The following ADAM22 variants were observed in gnomAD, a reference collection of about 807,000 sequenced individuals.
The protein encoded by ADAM22 is ADAM metallopeptidase domain 22.
In ADAM22, 65 loss-of-function variants were observed where a neutral mutation model predicts 144.6. The observed-to-expected ratio is 0.45, with a 90% CI of 0.37 to 0.55. The LOEUF (loss-of-function observed/expected upper bound fraction) is 0.55. Ranked by LOEUF, ADAM22 falls within the 20% of genes least tolerant of loss-of-function variation. The pLI, the probability that ADAM22 is intolerant of heterozygous loss-of-function variation, is 0.00. For missense variants in ADAM22, 974 were observed against 1,184.9 expected (o/e 0.82, Z 2.61); for synonymous variants, 391 against 412.6 (o/e 0.95, Z 0.63).
chr7:88,027,570 A>G lies in ADAM22; in HGVS notation c.324-48056A>G, dbSNP rs1585104258. On this transcript the variant is annotated intron_variant, in intron 3 of 31. Coordinates refer to ENST00000413139, the MANE Select transcript of ADAM22 (RefSeq NM_001324418.2). Reference sequence around the variant, plus strand: ...TATCCTTTGAATTTCTGCAGGATCAATTGACTCTTTTCTCTTTTTTTTCCC... The same window carrying G: ...TATCCTTTGAATTTCTGCAGGATCAGTTGACTCTTTTCTCTTTTTTTTCCC... 2.0e-5 allele frequency among the ~76,000 whole-genome samples: 3 copies of G among 152,080 alleles called. No individual in the cohort carries two copies. In the South Asian group the frequency reaches 6.2e-4, roughly 32 times the overall value.
chr7:88,154,295 C>T (rs1166471267), intron 21 of ADAM22, among the ~76,000 whole-genome samples: 5 of 152,126 alleles, frequency 3.3e-5, no homozygotes, highest in Non-Finnish European at 7.4e-5. Flanking sequence ...CAACAATTGT[C>T]CCCAACCTAC....
chr7:88,162,751 GT>G (rs1842027215), intron 22 of ADAM22, among the ~76,000 whole-genome samples: 1 of 151,938 alleles, frequency 6.6e-6, no homozygotes, highest in Non-Finnish European at 1.5e-5. Context: ...GGTAGCCCAG[GT>G]GAAATGATAA....
Position 88,151,750 on chromosome 7 carries a change from T to C in ADAM22, c.1681+430T>C, listed in dbSNP as rs140215467. 2.2e-4 allele frequency among the ~76,000 whole-genome samples: 34 copies of C among 152,298 alleles called. No individual in the cohort carries two copies. The East Asian group carries it at 6.6e-3, about 29-fold the overall frequency. ...AGCATTTTATCTAGAGTCATTTTTT[T>C]CCTCCTTGGATATTTTTCTTAAACT... On this transcript the variant is annotated intron_variant, in intron 20 of 31. Coordinates refer to ENST00000413139, the MANE Select transcript of ADAM22 (RefSeq NM_001324418.2).
In ADAM22 at chr7:88,202,408, G is replaced by A. The variant is rs994120830; in HGVS notation, c.*5917G>A. The A allele has an allele frequency of 1.3e-5, 2 of 152,110 alleles. No individual in the cohort carries two copies. Among genetic ancestry groups the A allele is most frequent in the Admixed American group, 6.5e-5 (1 of 15,274 alleles). 9.4% of individuals were successfully genotyped at this position (152,110 alleles called of 1,614,324 possible). A position where few individuals can be genotyped will look rare whatever the true frequency, so the allele number is the denominator to read the frequency against. Reference sequence around the variant, plus strand: ...CTTACATGTTAGCCAGCAGTAGGTCGGCACTAGTGTTTTCCACGGTTATCA... The same window carrying A: ...CTTACATGTTAGCCAGCAGTAGGTCAGCACTAGTGTTTTCCACGGTTATCA... On this transcript the variant is annotated 3_prime_UTR_variant, in exon 32 of 32. Coordinates refer to ENST00000413139, the MANE Select transcript of ADAM22 (RefSeq NM_001324418.2).
chr7:88,169,808 A>G (rs1291933367), intron 25 of ADAM22, among the ~76,000 whole-genome samples: 1 of 152,140 alleles, frequency 6.6e-6, no homozygotes, highest in African/African-American at 2.4e-5. Flanking sequence ...TTAAGTAGTA[A>G]TTGTCATCAC....
At position 88,200,069 on chromosome 7, in the gene ADAM22, G is replaced by A. The variant is rs1364532348; in HGVS notation, c.*3578G>A. 1 of 152,066 alleles carries A rather than the reference G, an allele frequency of 6.6e-6. No individual in the cohort carries two copies. Among genetic ancestry groups the A allele is most frequent in the African/African-American group, 2.4e-5 (1 of 41,392 alleles). 9.4% of individuals were successfully genotyped at this position (152,066 alleles called of 1,614,324 possible). ...TGTCTATTGTCCCAGATCTCTTGTG[G>A]CTACTTTACCTGTTACCTTTTTTGG... On this transcript the variant is annotated 3_prime_UTR_variant, in exon 32 of 32. Transcript: ENST00000413139.
chr7:88,039,904 C>A (rs1362932966), intron 3 of ADAM22, among the ~76,000 whole-genome samples: 1 of 151,960 alleles, frequency 6.6e-6, no homozygotes, highest in East Asian at 1.9e-4. Flanking sequence ...CCTTCCTTTT[C>A]TCCAGCTTCT....
At chr7:88,113,695 AATAAATAAATATATATATAT>A (rs1451932195) in intron 5 of ADAM22, among the ~76,000 whole-genome samples, 11 of 52,242 alleles carry the variant, frequency 2.1e-4, no homozygotes, top group African/African-American at 8.1e-4. Flanking sequence ...ATTATAAATA[AATAAATAAATATATATATAT>A]ATATATATAT....
Position 88,052,644 on chromosome 7 carries a change from A to G in ADAM22, c.324-22982A>G, listed in dbSNP as rs561542685. On this transcript the variant is annotated intron_variant, in intron 3 of 31. Coordinates refer to ENST00000413139, the MANE Select transcript of ADAM22 (RefSeq NM_001324418.2). ...TGTGATAATTTTTGGCTGTTTTTCCAAACAGATTGAAGCTGCACGTGATAG... is the reference window on the plus strand; with the variant it reads ...TGTGATAATTTTTGGCTGTTTTTCCGAACAGATTGAAGCTGCACGTGATAG... 5.3e-5 allele frequency among the ~76,000 whole-genome samples: 8 copies of G among 152,346 alleles called. No individual in the cohort carries two copies. In the South Asian group the frequency reaches 1.7e-3, roughly 32 times the overall value.
intron 3 of ADAM22, among the ~76,000 whole-genome samples, chr7:87,989,805 A>G (rs1789359456): frequency 6.6e-6 from 1 of 151,972 alleles, no homozygotes; most frequent in East Asian, 1.9e-4. Flanking sequence ...AATCCCAGCT[A>G]CTCAAGAGGT....
chr7:88,143,661 A>G (rs2129521576), intron 15 of ADAM22, among the ~76,000 whole-genome samples: 1 of 152,340 alleles, frequency 6.6e-6, no homozygotes, highest in African/African-American at 2.4e-5. Flanking sequence ...TCCTCTGGTT[A>G]CTGACTAGAA....
In ADAM22 at chr7:88,168,178, A is replaced by C. The variant is rs747459517; in HGVS notation, c.2233A>C (p.Thr745Pro). 1.2e-6 allele frequency: 2 copies of C among 1,613,198 alleles called. No homozygotes were observed. Among genetic ancestry groups the C allele is most frequent in the Non-Finnish European group, 1.7e-6 (2 of 1,179,582 alleles). ...TATCATAATAGGCATAATTGCTGGC[A>C]CCATTTTAGTGCTGGCCCTCATATT... is the stretch of plus-strand genomic sequence containing the variant. ...TNIIIGIIAG[T>P]ILVLALILGI... Residue 745 changes from threonine to proline, a missense_variant, in exon 25 of 32, where the codon ACC (threonine) becomes CCC (proline). Physicochemically the swap from Thr to Pro is conservative, Grantham distance 38. Around this residue, in one of 2 missense-constraint regions of ADAM22, gnomAD observed 734 missense variants for 950.6 expected, o/e 0.77. Coordinates refer to ENST00000413139, the MANE Select transcript of ADAM22 (RefSeq NM_001324418.2).
In ADAM22 at chr7:87,978,396, G is replaced by C. The variant is rs374141909; in HGVS notation, c.307G>C (p.Asp103His). The C allele has an allele frequency of 6.2e-7, 1 of 1,613,502 alleles. No homozygotes were observed. The highest frequency in any genetic ancestry group is 1.7e-5 in the Admixed American group (1 of 59,940). Residue 103 changes from aspartate (D) to histidine (H), a missense_variant, in exon 3 of 32, where the codon GAT (aspartate) becomes CAT (histidine). Physicochemically the swap from Asp to His is moderately conservative, Grantham distance 81. Transcript: ENST00000413139. ...TGCCTTTGGAACGTCATTCATTCTC[G>C]ATGTCGTGCTAAATCAGTAAGTGTT... ...VDAFGTSFIL[D>H]VVLNHDLLSS...
chr7:88,132,767 T>A (rs1195083179), intron 11 of ADAM22, 100 bp from the exon 12 acceptor site: 4 of 899,334 alleles, frequency 4.4e-6, no homozygotes, highest in Non-Finnish European at 6.9e-6. Context: ...TGTATAGAAA[T>A]CTTATGTATA....
intron 3 of ADAM22, among the ~76,000 whole-genome samples, chr7:88,024,561 T>TA (rs1798550009): frequency 6.6e-6 from 1 of 152,166 alleles, no homozygotes; most frequent in African/African-American, 2.4e-5. Flanking sequence ...TTCTTTTTTT[T>TA]AAATTATACT....
At position 88,145,459 on chromosome 7, in the gene ADAM22, G is replaced by A; in HGVS notation, c.1437G>A (p.Leu479=). ...EGAECCKKCT[L]TQDSQCSDGL... ...CAGAGTGTTGTAAGAAATGCACCTTGACTCAAGACTCTCAATGCAGTGACG... is the reference window on the plus strand; with the variant it reads ...CAGAGTGTTGTAAGAAATGCACCTTAACTCAAGACTCTCAATGCAGTGACG... The change falls in exon 17 of 32, where the codon TTG becomes TTA. Residue 479 remains leucine (L), a synonymous_variant. Transcript: ENST00000413139. 1.9e-6 allele frequency: 3 copies of A among 1,613,702 alleles called. No individual in the cohort carries two copies. The highest frequency in any genetic ancestry group is 2.5e-6 in the Non-Finnish European group (3 of 1,179,740).
intron 2 of ADAM22, among the ~76,000 whole-genome samples, chr7:87,970,255 A>ATG (rs1364799490): frequency 2.6e-5 from 4 of 152,114 alleles, no homozygotes; most frequent in African/African-American, 9.7e-5. Context: ...ATATATATAT[A>ATG]TGTATTTATT....
chr7:87,950,583 A>G lies in ADAM22; in HGVS notation c.246+15397A>G, dbSNP rs577548177. Among the ~76,000 whole-genome samples the G allele has an allele frequency of 8.0e-5, 12 of 150,120 alleles. No individual in the cohort carries two copies. The East Asian group carries it at 1.4e-3, about 17-fold the overall frequency. Reference sequence around the variant, plus strand: ...TTCCAAGTCTTTGCTATTGTGAATAATGCTGCAATAAACATATGTGTGCAT... The same window carrying G: ...TTCCAAGTCTTTGCTATTGTGAATAGTGCTGCAATAAACATATGTGTGCAT... On this transcript the variant is annotated intron_variant, in intron 2 of 31. Transcript: ENST00000413139.
chr7:88,087,794 A>G (rs148566400), intron 4 of ADAM22, among the ~76,000 whole-genome samples: 64 of 152,292 alleles, frequency 4.2e-4, no homozygotes, highest in Non-Finnish European at 8.8e-4. Context: ...AGCATTCCCA[A>G]CTTGTCTTAG....
Sources: allele counts gnomAD v4.1 joint callset (sites outside exome capture counted in the v4.1 genomes callset), GRCh38; gene constraint gnomAD v4.1.1; regional missense constraint gnomAD v4.1.1; transcripts MANE v1.5; gene names NCBI Gene and HGNC (gene_info 2026-07-23, HGNC 2026-07-21).